The following LARP4B variants were observed in gnomAD, a reference collection of about 807,000 sequenced individuals.
LARP4B encodes La ribonucleoprotein 4B.
In LARP4B, 12 loss-of-function variants were observed where a neutral mutation model predicts 89.8. That is an observed-to-expected ratio of 0.13 (90% CI 0.09 to 0.22). The LOEUF (loss-of-function observed/expected upper bound fraction) is 0.22, where lower values mean the gene tolerates loss of function less well. LARP4B is among the 10% of genes least tolerant of loss of function. The pLI is 1.00. For missense variants in LARP4B, 757 were observed against 947.7 expected (o/e 0.80, Z 2.64); for synonymous variants, 367 against 363.3 (o/e 1.01, Z -0.12).
chr10:987,737 TCTC>T, the LARP4B span: 3 of 152,208 alleles, frequency 2.0e-5, no homozygotes, highest in Admixed American at 6.5e-5. Context: ...TCATCAACCT[TCTC>T]CTCAGTTGGA....
At chr10:820,482 A>G (rs1003988115) in intron 14 of LARP4B, 1 of 296,030 alleles carries the variant, frequency 3.4e-6, no homozygotes, top group Non-Finnish European at 6.3e-6. Flanking sequence ...TACAGCTGCC[A>G]CACAGAAGAG....
At chr10:881,370 G>C (rs1835660426) in intron 3 of LARP4B, among the ~76,000 whole-genome samples, 1 of 152,100 alleles carries the variant, frequency 6.6e-6, no homozygotes, top group Admixed American at 6.5e-5. Context: ...CTGCAATCTG[G>C]CTTTTGCTCC....
intron 1 of LARP4B, among the ~76,000 whole-genome samples, chr10:904,847 C>T (rs777274600): frequency 4.6e-5 from 7 of 152,194 alleles, no homozygotes; most frequent in Admixed American, 1.3e-4. Flanking sequence ...ATGACTGCCA[C>T]TTGGTAGCAT....
intron 11 of LARP4B, 105 bp from the exon 12 acceptor site, chr10:825,975 A>C (rs1264232261): frequency 2.6e-6 from 2 of 766,326 alleles, no homozygotes; most frequent in East Asian, 5.4e-5. Flanking sequence ...TGATGTTGTC[A>C]GAGTCATGAC....
chr10:852,494 G>C (rs567958508), intron 5 of LARP4B, among the ~76,000 whole-genome samples: 7 of 152,256 alleles, frequency 4.6e-5, no homozygotes, highest in African/African-American at 1.7e-4. Context: ...CATATAAAGG[G>C]CACAGACCTA....
the LARP4B span, among the ~76,000 whole-genome samples, chr10:947,259 C>T: frequency 1.3e-5 from 2 of 152,134 alleles, no homozygotes; most frequent in African/African-American, 4.8e-5. Context: ...GCGTGTCTTG[C>T]CGGTTCTTGC....
the LARP4B span, among the ~76,000 whole-genome samples, chr10:964,002 C>G: frequency 6.6e-6 from 1 of 152,176 alleles, no homozygotes; most frequent in Non-Finnish European, 1.5e-5. Flanking sequence ...TAAACAAGTT[C>G]TAAGGCCTAA....
intron 1 of LARP4B, among the ~76,000 whole-genome samples, chr10:893,639 T>C (rs1005258206): frequency 3.3e-5 from 5 of 152,194 alleles, no homozygotes; most frequent in African/African-American, 9.7e-5. Context: ...TCATCTACGC[T>C]TTTCCAGAGC....
At chr10:820,239 A>T (rs1832280893) in intron 14 of LARP4B, 1 of 152,472 alleles carries the variant, frequency 6.6e-6, no homozygotes, top group East Asian at 1.9e-4. Context: ...AACTCTGATT[A>T]ATCAACCCAA....
chr10:852,119 C>A (rs1342194462), intron 5 of LARP4B, among the ~76,000 whole-genome samples: 1 of 152,118 alleles, frequency 6.6e-6, no homozygotes, highest in Non-Finnish European at 1.5e-5. Context: ...AAAAGGAAAA[C>A]TCCTGCCCAC....
intron 1 of LARP4B, among the ~76,000 whole-genome samples, chr10:930,450 G>A (rs142973934): frequency 6.6e-6 from 1 of 152,220 alleles, no homozygotes; most frequent in Non-Finnish European, 1.5e-5. Flanking sequence ...ACGAAAGCCA[G>A]ATAGGAGGTA....
At chr10:921,587 T>C (rs1836982080) in intron 1 of LARP4B, among the ~76,000 whole-genome samples, 2 of 152,160 alleles carry the variant, frequency 1.3e-5, no homozygotes, top group African/African-American at 2.4e-5. Context: ...GCCAAGAATC[T>C]GTGTGGCCTT....
the LARP4B span, chr10:971,592 T>A: frequency 6.6e-6 from 1 of 152,176 alleles, no homozygotes; most frequent in South Asian, 2.1e-4. Context: ...CAGAGTTGCC[T>A]GTACTGGAGG....
intron 1 of LARP4B, among the ~76,000 whole-genome samples, chr10:908,508 G>A (rs899566838): frequency 2.6e-5 from 4 of 151,988 alleles, no homozygotes; most frequent in Non-Finnish European, 2.9e-5. Flanking sequence ...CATCAGAAGG[G>A]GCAGTCTTGT....
chr10:911,752 G>A (rs1836671090), intron 1 of LARP4B, among the ~76,000 whole-genome samples: 1 of 152,188 alleles, frequency 6.6e-6, no homozygotes, highest in Non-Finnish European at 1.5e-5. Context: ...CAGGTCTAAA[G>A]CTCTGCTCCC....
At chr10:835,591 T>A (rs554581421) in intron 8 of LARP4B, among the ~76,000 whole-genome samples, 28 of 152,298 alleles carry the variant, frequency 1.8e-4, no homozygotes, top group African/African-American at 6.5e-4. Context: ...ACAAAGCAAC[T>A]CAGTTTAGGC....
chr10:915,165 T>C (rs1232913918), intron 1 of LARP4B, among the ~76,000 whole-genome samples: 2 of 152,122 alleles, frequency 1.3e-5, no homozygotes, highest in African/African-American at 2.4e-5. Flanking sequence ...TTCATTAAAA[T>C]AGCTTTATAC....
chr10:875,907 T>A (rs973719280), intron 3 of LARP4B, among the ~76,000 whole-genome samples: 2 of 152,140 alleles, frequency 1.3e-5, no homozygotes, highest in Admixed American at 6.5e-5. Context: ...ACTCATTCCA[T>A]CCCAATACCT....
the LARP4B span, among the ~76,000 whole-genome samples, chr10:956,897 GA>G: frequency 6.6e-6 from 1 of 152,186 alleles, no homozygotes; most frequent in Non-Finnish European, 1.5e-5. The surrounding 1 kb of genome is among the most constrained non-coding windows in gnomAD (Gnocchi z 4.3). Context: ...CCAGGAAGGT[GA>G]CGCATGAGAT....
Sources: allele counts gnomAD v4.1 joint callset (sites outside exome capture counted in the v4.1 genomes callset), GRCh38; gene constraint gnomAD v4.1.1; non-coding constraint Gnocchi (gnomAD v3.1); transcripts MANE v1.5; gene names NCBI Gene and HGNC (gene_info 2026-07-23, HGNC 2026-07-21).